The following CADM2 variants were observed in gnomAD, a reference collection of about 807,000 sequenced individuals.
CADM2 encodes cell adhesion molecule 2, also known as immunoglobulin superfamily member 4D.
In CADM2, 12 loss-of-function variants were observed where a neutral mutation model predicts 49.8. That is an observed-to-expected ratio of 0.24 (90% CI 0.15 to 0.39). The LOEUF (loss-of-function observed/expected upper bound fraction) is 0.39. CADM2 is among the 10% of genes least tolerant of loss of function. CADM2 has a pLI of 1.00. For synonymous variants in CADM2, 214 were observed against 175.4 expected (o/e 1.22, Z -1.74); for missense variants, 378 against 492.3 (o/e 0.77, Z 2.20).
chr3:85,888,521 GA>G (rs1357437416), intron 5 of CADM2, among the ~76,000 whole-genome samples: 1 of 152,154 alleles, frequency 6.6e-6, no homozygotes, highest in Non-Finnish European at 1.5e-5. Context: ...GAAAACTTGT[GA>G]AGATCCCATT....
intron 1 of CADM2, among the ~76,000 whole-genome samples, chr3:85,649,344 A>C (rs1448635600): frequency 1.3e-5 from 2 of 152,150 alleles, no homozygotes; most frequent in African/African-American, 4.8e-5. Context: ...GACATCACTT[A>C]AATTAATTAT....
intron 1 of CADM2, among the ~76,000 whole-genome samples, chr3:85,568,741 T>C (rs572731857): frequency 2.0e-5 from 3 of 149,240 alleles, no homozygotes; most frequent in South Asian, 4.3e-4. Flanking sequence ...TAGCTAGGAT[T>C]ACAGGCGTGA....
chr3:85,150,737 C>G (rs115929196), intron 1 of CADM2, among the ~76,000 whole-genome samples: 4 of 148,082 alleles, frequency 2.7e-5, no homozygotes, highest in South Asian at 2.1e-4. Flanking sequence ...ACCGTCTCTA[C>G]TAAAAAAAAA....
At chr3:85,297,874 C>A (rs536626589) in intron 1 of CADM2, among the ~76,000 whole-genome samples, 2 of 152,148 alleles carry the variant, frequency 1.3e-5, no homozygotes, top group South Asian at 4.1e-4. Context: ...CACTCCTATA[C>A]ACCCAAGAGC....
chr3:85,658,576 GTATATATA>G (rs397990421), intron 1 of CADM2, among the ~76,000 whole-genome samples: 4,951 of 68,746 alleles, frequency 0.072, 217 homozygotes, highest in East Asian at 0.13. Context: ...GGATATATGT[GTATATATA>G]TATATATATA....
intron 1 of CADM2, among the ~76,000 whole-genome samples, chr3:85,471,308 G>A (rs779263104): frequency 6.6e-6 from 1 of 152,040 alleles, no homozygotes; most frequent in Non-Finnish European, 1.5e-5. Flanking sequence ...AAAAGAGCTT[G>A]GGAGAAAACA....
intron 1 of CADM2, among the ~76,000 whole-genome samples, chr3:85,653,249 G>A (rs2065108071): frequency 6.7e-6 from 1 of 150,016 alleles, no homozygotes; most frequent in Admixed American, 6.7e-5. Context: ...CTGTGAGCAA[G>A]GAGGGGAGCC....
intron 1 of CADM2, among the ~76,000 whole-genome samples, chr3:85,656,674 T>C (rs897750991): frequency 7.2e-5 from 11 of 152,004 alleles, no homozygotes; most frequent in Non-Finnish European, 1.5e-4. Context: ...AAGAAAAAAT[T>C]TCATACATGT....
chr3:85,799,689 G>C (rs2071873952), intron 2 of CADM2, among the ~76,000 whole-genome samples: 1 of 152,132 alleles, frequency 6.6e-6, no homozygotes, highest in South Asian at 2.1e-4. Context: ...TCCAGACCCT[G>C]TTTGCCTGGG....
At chr3:85,413,915 A>G (rs970910196) in intron 1 of CADM2, among the ~76,000 whole-genome samples, 8 of 152,026 alleles carry the variant, frequency 5.3e-5, no homozygotes, top group African/African-American at 1.9e-4. Flanking sequence ...CCCAGGCTGC[A>G]GTGCAGTGGT....
chr3:85,277,470 T>G (rs2043385945), intron 1 of CADM2, among the ~76,000 whole-genome samples: 1 of 151,410 alleles, frequency 6.6e-6, no homozygotes. Flanking sequence ...TCCATGTTTC[T>G]AATCATAACT....
At chr3:85,367,246 C>T (rs547003972) in intron 1 of CADM2, among the ~76,000 whole-genome samples, 1 of 151,878 alleles carries the variant, frequency 6.6e-6, no homozygotes, top group South Asian at 2.1e-4. Flanking sequence ...TTATTGCTAA[C>T]CAACACACAA....
At chr3:85,539,647 T>C (rs2061498980) in intron 1 of CADM2, among the ~76,000 whole-genome samples, 1 of 152,192 alleles carries the variant, frequency 6.6e-6, no homozygotes, top group Non-Finnish European at 1.5e-5. Context: ...TGCCAATGAC[T>C]GATATGTATT....
rs370983103 is a variant in CADM2 at position 85,807,737 on chromosome 3, T to A, written c.238+5541T>A. Among the ~76,000 whole-genome samples the A allele has an allele frequency of 1.3e-5, 2 of 152,166 alleles. 1 individual carries two copies. The highest frequency in any genetic ancestry group is 3.9e-4 in the East Asian group (2 of 5,190). ...ATATCCTCCCATGCCCAGCACTTAC[T>A]GTTTTGGAAAGCACAATTCTAGATG... On this transcript the variant is annotated intron_variant, in intron 3 of 9. Transcript: ENST00000383699.
At chr3:85,355,558 C>G (rs566751052) in intron 1 of CADM2, among the ~76,000 whole-genome samples, 4 of 152,164 alleles carry the variant, frequency 2.6e-5, no homozygotes, top group Non-Finnish European at 5.9e-5. Flanking sequence ...AACAAGAATT[C>G]ATGGGTTCTT....
intron 1 of CADM2, among the ~76,000 whole-genome samples, chr3:85,277,596 G>A (rs1445152958): frequency 6.6e-6 from 1 of 151,306 alleles, no homozygotes; most frequent in African/African-American, 2.4e-5. Flanking sequence ...GTTATGCTAT[G>A]TTCTATCTGA....
chr3:85,395,602 CAGA>C (rs1314888150), intron 1 of CADM2, among the ~76,000 whole-genome samples: 2 of 152,022 alleles, frequency 1.3e-5, no homozygotes, highest in Non-Finnish European at 2.9e-5. Context: ...AGATTTTCTT[CAGA>C]AGAATAAAAA....
In CADM2 at chr3:86,069,942, G is replaced by C. The variant is rs1205133152; in HGVS notation, c.*3159G>C. On this transcript the variant is annotated 3_prime_UTR_variant, in exon 10 of 10. Coordinates refer to ENST00000383699, the MANE Select transcript of CADM2 (RefSeq NM_001167675.2). The stretch of plus-strand genomic sequence containing the variant: ...AGATTAAAGACAGAGCGCATGAGCA[G>C]AGTACTGATGGTGTGCGTGTTTGTG... 6.6e-6 allele frequency: 1 copy of C among 151,858 alleles called. No individual in the cohort carries two copies. Among genetic ancestry groups the C allele is most frequent in the African/African-American group, 2.4e-5 (1 of 41,408 alleles). The allele number at this position is 151,858 out of a possible 1,614,324, so 9.4% of individuals were successfully genotyped here. A position where few individuals can be genotyped will look rare whatever the true frequency, so the allele number is the denominator to read the frequency against.
intron 1 of CADM2, among the ~76,000 whole-genome samples, chr3:85,118,710 G>A (rs1559672806): frequency 6.6e-6 from 1 of 152,090 alleles, no homozygotes; most frequent in African/African-American, 2.4e-5. Context: ...TTATGAAAAC[G>A]TTGAAGAAGT....
Sources: allele counts gnomAD v4.1 joint callset (sites outside exome capture counted in the v4.1 genomes callset), GRCh38; gene constraint gnomAD v4.1.1; transcripts MANE v1.5; gene names NCBI Gene and HGNC (gene_info 2026-07-23, HGNC 2026-07-21).